MLLT10: variants seen among roughly 807,000 people sequenced by gnomAD.
MLLT10 encodes MLLT10 histone lysine methyltransferase DOT1L cofactor, also known as protein AF-10.
MLLT10 carries 30 observed loss-of-function variants against 129.1 expected under a neutral mutation model. The ratio of observed to expected loss-of-function variants is 0.23; its 90% confidence interval spans 0.17 to 0.32. MLLT10 has a LOEUF of 0.32. Ranked by LOEUF, MLLT10 falls within the 10% of genes least tolerant of loss-of-function variation. The pLI, the probability that MLLT10 is intolerant of heterozygous loss-of-function variation, is 1.00. For synonymous variants in MLLT10, 490 were observed against 446.4 expected (o/e 1.10, Z -1.23); for missense variants, 1,119 against 1,268.3 (o/e 0.88, Z 1.79).
chr10:21,658,269 G>A (rs1386274207), intron 9 of MLLT10, among the ~76,000 whole-genome samples: 2 of 152,132 alleles, frequency 1.3e-5, no homozygotes, highest in African/African-American at 2.4e-5. Context: ...CCTTCTCCCT[G>A]AGTTCACATC....
chr10:21,734,416 CAT>C (rs1337177730), intron 20 of MLLT10, among the ~76,000 whole-genome samples: 2 of 152,086 alleles, frequency 1.3e-5, no homozygotes, highest in African/African-American at 2.4e-5. Context: ...TATACTGTAT[CAT>C]AAATTCTGAA....
intron 3 of MLLT10, among the ~76,000 whole-genome samples, chr10:21,540,305 G>C (rs1043390381): frequency 1.3e-5 from 2 of 151,816 alleles, no homozygotes; most frequent in African/African-American, 4.8e-5. Context: ...CGGGAGAATC[G>C]CTTGAATGAG....
intron 14 of MLLT10, among the ~76,000 whole-genome samples, chr10:21,717,710 CTCCTCT>C (rs2056784216): frequency 9.1e-5 from 7 of 77,264 alleles, no homozygotes; most frequent in Admixed American, 1.3e-4. Context: ...CTTCCTCCTC[CTCCTCT>C]TCCTCCTCCT....
intron 3 of MLLT10, among the ~76,000 whole-genome samples, chr10:21,545,745 C>T (rs2130923788): frequency 6.6e-6 from 1 of 152,306 alleles, no homozygotes; most frequent in East Asian, 1.9e-4. Context: ...TAGTTGACTG[C>T]AACATCGAAC....
At chr10:21,600,237 TATC>T (rs2043393922) in intron 5 of MLLT10, among the ~76,000 whole-genome samples, 1 of 152,132 alleles carries the variant, frequency 6.6e-6, no homozygotes, top group Non-Finnish European at 1.5e-5. Flanking sequence ...AGACAAATAT[TATC>T]ATGTATTTAT....
At chr10:21,617,504 G>T in intron 8 of MLLT10, among the ~76,000 whole-genome samples, 1 of 152,070 alleles carries the variant, frequency 6.6e-6, no homozygotes, top group East Asian at 1.9e-4. Context: ...AGCAATAATA[G>T]TTCGTTGCTA....
rs1212341538 is a variant in MLLT10, at chr10:21,687,346, T to A, written c.1699+5089T>A. ...TTATTTCAGGGAAGCATTAAGTGGATAGGATTCCATGAAGTGGGATGAGTA... is the reference window on the plus strand; with the variant it reads ...TTATTTCAGGGAAGCATTAAGTGGAAAGGATTCCATGAAGTGGGATGAGTA... On this transcript the variant is annotated intron_variant, in intron 13 of 22. Transcript: ENST00000307729. 2.6e-5 allele frequency among the ~76,000 whole-genome samples: 4 copies of A among 152,284 alleles called. No individual in the cohort carries two copies. In the East Asian group the frequency reaches 5.8e-4, roughly 22 times the overall value.
intron 3 of MLLT10, among the ~76,000 whole-genome samples, chr10:21,546,185 C>G (rs1479663453): frequency 1.3e-5 from 2 of 150,734 alleles, no homozygotes; most frequent in Non-Finnish European, 3.0e-5. Context: ...TCCAGTGATT[C>G]TTGTGTTTCA....
chr10:21,708,113 A>G (rs555881604), intron 13 of MLLT10, among the ~76,000 whole-genome samples: 2 of 152,140 alleles, frequency 1.3e-5, no homozygotes, highest in Non-Finnish European at 2.9e-5. Context: ...CTTGCTTGCT[A>G]CATTATCCCA....
chr10:21,537,377 A>C (rs1023567715), intron 2 of MLLT10, among the ~76,000 whole-genome samples: 1 of 151,996 alleles, frequency 6.6e-6, no homozygotes, highest in Non-Finnish European at 1.5e-5. Context: ...GGCTCACTGC[A>C]GCCTCTACCT....
rs1833829594 is a variant in MLLT10 at position 21,742,685 on chromosome 10, T to TGA, written c.*704_*705dup. 1 of 224,600 alleles carries TGA rather than the reference T, an allele frequency of 4.5e-6. No individual in the cohort carries two copies. 13.9% of individuals were successfully genotyped at this position (224,600 alleles called of 1,614,324 possible). A position where few individuals can be genotyped will look rare whatever the true frequency, so the allele number is the denominator to read the frequency against. On this transcript the variant is annotated 3_prime_UTR_variant, in exon 23 of 23. Transcript: ENST00000307729. Reference sequence around the variant, plus strand: ...AAGAAATCTTGAGTTAAGTGAGTTCTGAGGCTGCTGGGGGAACCAGATCAA... The same window carrying TGA: ...AAGAAATCTTGAGTTAAGTGAGTTCTGAGAGGCTGCTGGGGGAACCAGATCAA...
At chr10:21,714,028 A>G in intron 14 of MLLT10, 78 bp downstream of exon 14, 1 of 1,289,990 alleles carries the variant, frequency 7.8e-7, no homozygotes, top group Non-Finnish European at 1.1e-6. Context: ...GAGGAGAAAC[A>G]AATGACATAG....
In MLLT10 at chr10:21,538,902, C is replaced by T; in HGVS notation, c.230C>T (p.Ala77Val). 2 of 1,611,768 alleles carry T rather than the reference C, an allele frequency of 1.2e-6. No homozygotes were observed. The highest frequency in any genetic ancestry group is 1.7e-6 in the Non-Finnish European group (2 of 1,178,060). Reference protein sequence around the residue: ...FCRKCESQERAARVRCELCPH... With the variant: ...FCRKCESQERVARVRCELCPH... ...AGGAAATGTGAATCTCAGGAGAGAG[C>T]AGCCAGAGTGGTAAGGACTATTTAT... Residue 77 changes from alanine to valine, a missense_variant, in exon 3 of 23, where the codon GCA becomes GTA. Ala to Val is a moderately conservative substitution (Grantham distance 64). This residue lies in a region of MLLT10 where 33 missense variants were observed against 76.9 expected (regional missense o/e 0.43). Transcript: ENST00000307729.
At chr10:21,741,282 A>C (rs200173766) in intron 22 of MLLT10, among the ~76,000 whole-genome samples, 44 of 149,906 alleles carry the variant, frequency 2.9e-4, no homozygotes, top group Middle Eastern at 3.4e-3. Context: ...TTTCCCCCCC[A>C]GTGTTTCACC....
chr10:21,704,906 G>T (rs763199944), intron 13 of MLLT10, among the ~76,000 whole-genome samples: 193 of 152,118 alleles, frequency 1.3e-3, no homozygotes, highest in Admixed American at 2.6e-3. Flanking sequence ...TTTTGCTGGG[G>T]ACTAGGATGC....
chr10:21,559,046 A>C (rs990476069), intron 3 of MLLT10, among the ~76,000 whole-genome samples: 1 of 152,082 alleles, frequency 6.6e-6, no homozygotes, highest in Admixed American at 6.6e-5. Context: ...GTTTTGTTTG[A>C]GTTTGCATTG....
chr10:21,692,001 CAAAAAAAAAAAAA>C (rs929971187), intron 13 of MLLT10, among the ~76,000 whole-genome samples: 7 of 50,174 alleles, frequency 1.4e-4, no homozygotes, highest in South Asian at 9.1e-4. Flanking sequence ...CTCATATCTA[CAAAAAAAAAAAAA>C]AAAAAAAAAA....
chr10:21,577,988 C>T (rs745476652), intron 3 of MLLT10, among the ~76,000 whole-genome samples: 24 of 151,572 alleles, frequency 1.6e-4, no homozygotes, highest in South Asian at 4.2e-4. Context: ...CTCTGCCTCC[C>T]GGGTTCAAGC....
intron 13 of MLLT10, among the ~76,000 whole-genome samples, chr10:21,697,426 A>G (rs944779715): frequency 1.3e-5 from 2 of 152,212 alleles, no homozygotes; most frequent in Non-Finnish European, 2.9e-5. Flanking sequence ...AGATTGTGCC[A>G]TTGCACTCCA....
Sources: allele counts gnomAD v4.1 joint callset (sites outside exome capture counted in the v4.1 genomes callset), GRCh38; gene constraint gnomAD v4.1.1; regional missense constraint gnomAD v4.1.1; transcripts MANE v1.5; gene names NCBI Gene and HGNC (gene_info 2026-07-23, HGNC 2026-07-21).